The following ZNF488 variants were observed in gnomAD, a reference collection of about 807,000 sequenced individuals.
ZNF488 encodes zinc finger protein 488.
ZNF488 carries 1 observed loss-of-function variant against 1.2 expected under a neutral mutation model. The ratio of observed to expected loss-of-function variants is 0.86; its 90% CI spans 0.30 to 4.07. The LOEUF (loss-of-function observed/expected upper bound fraction) is 4.07. Ranked by LOEUF, ZNF488 falls within the 30% of genes most tolerant of loss-of-function variation. The pLI is 0.18. For synonymous variants in ZNF488, 185 were observed against 190.1 expected (o/e 0.97, Z 0.22); for missense variants, 450 against 437.9 (o/e 1.03, Z -0.25).
rs782230600 is a variant in ZNF488, at chr10:47,368,727, G to A, written c.103C>T (p.Arg35Ter). Residue 35 changes from arginine to a stop codon, truncating the protein, a stop_gained, in exon 2 of 2, where the codon CGA becomes TGA. Transcript: ENST00000585316. LOFTEE classifies it low-confidence loss of function (END_TRUNC). The stretch of plus-strand genomic sequence containing the variant: ...CGGCCCAGCTCAGGTTCGCTAAGTC[G>A]CCATCTGTTTTCAGCCGATGGGCTC... Reference protein sequence around the residue: ...PLSPSAENRWRLSEPELGRGC... With the variant: ...PLSPSAENRW The A allele has an allele frequency of 5.4e-5, 87 of 1,613,182 alleles. No individual in the cohort carries two copies. Among genetic ancestry groups the A allele is most frequent in the Admixed American group, 1.3e-4 (8 of 60,028 alleles).
chr10:47,372,316 C>T lies in ZNF488; in HGVS notation c.-108-3379G>A, dbSNP rs527801854. The stretch of plus-strand genomic sequence containing the variant: ...TCCTGAAACAGCAGCCCTGGCCCTG[C>T]CCATGCTTGAATGCAGGAAGAGAAC... On this transcript the variant is annotated intron_variant, in intron 1 of 1. Transcript: ENST00000585316. Among the ~76,000 whole-genome samples the T allele has an allele frequency of 6.6e-5, 10 of 152,306 alleles. 1 individual carries two copies. The South Asian group carries it at 2.1e-3, about 32-fold the overall frequency.
intron 1 of ZNF488, among the ~76,000 whole-genome samples, chr10:47,380,614 T>C (rs1837900724): frequency 7.5e-6 from 1 of 133,186 alleles, no homozygotes; most frequent in East Asian, 2.1e-4. Flanking sequence ...TTATCACCCA[T>C]CCTCTGGTGA....
intron 1 of ZNF488, among the ~76,000 whole-genome samples, chr10:47,379,174 T>C (rs11204202): frequency 0.057 from 8,740 of 152,238 alleles, 859 homozygotes; most frequent in African/African-American, 0.2. Flanking sequence ...ATTTATCGGC[T>C]ACGTAAGTAT....
chr10:47,367,978 A>G lies in ZNF488; in HGVS notation c.852T>C (p.Phe284=), dbSNP rs1555213089. The G allele has an allele frequency of 1.2e-6, 2 of 1,613,978 alleles. No individual in the cohort carries two copies. The highest frequency in any genetic ancestry group is 1.1e-5 in the South Asian group (1 of 91,062). ...GAAAGACCAGGTCGGACGTTAGGCG[A>G]AAGGACAGGTTGCACTTTGCACACC... The part of the protein sequence containing the change: ...QNWCAKCNLS[F]RLTSDLVFHM... The change falls in exon 2 of 2, where the codon TTT becomes TTC. Residue 284 remains phenylalanine, a synonymous_variant. Coordinates refer to ENST00000585316, the MANE Select transcript of ZNF488 (RefSeq NM_153034.4).
At chr10:47,369,879 C>T (rs1444157041) in intron 1 of ZNF488, among the ~76,000 whole-genome samples, 1 of 152,184 alleles carries the variant, frequency 6.6e-6, no homozygotes, top group Non-Finnish European at 1.5e-5. Flanking sequence ...TTGTGGTCTG[C>T]TAGAAGGCAA....
At chr10:47,380,761 G>T (rs1369456742) in intron 1 of ZNF488, among the ~76,000 whole-genome samples, 6 of 16,998 alleles carry the variant, frequency 3.5e-4, no homozygotes, top group South Asian at 1.1e-3. Context: ...ACGGTTGGAG[G>T]CCAGCTCTGC....
At chr10:47,377,600 TCACACACACACA>T (rs66911760) in intron 1 of ZNF488, among the ~76,000 whole-genome samples, 11 of 114,768 alleles carry the variant, frequency 9.6e-5, no homozygotes, top group East Asian at 2.7e-4. Flanking sequence ...AATAACAATC[TCACACACACACA>T]CACACACACA....
chr10:47,369,169 T>C (rs1555213554), intron 1 of ZNF488, among the ~76,000 whole-genome samples: 1 of 152,154 alleles, frequency 6.6e-6, no homozygotes, highest in African/African-American at 2.4e-5. Flanking sequence ...AAAATGCCCA[T>C]GGGCAGCAGC....
intron 1 of ZNF488, among the ~76,000 whole-genome samples, chr10:47,377,843 T>C (rs1473015250): frequency 2.0e-5 from 3 of 152,212 alleles, no homozygotes; most frequent in Non-Finnish European, 4.4e-5. Context: ...CGACTGTGTT[T>C]GCACCCTGGT....
At chr10:47,375,761 T>G (rs1837655438) in intron 1 of ZNF488, among the ~76,000 whole-genome samples, 1 of 152,192 alleles carries the variant, frequency 6.6e-6, no homozygotes, top group African/African-American at 2.4e-5. Context: ...AGCTACATGC[T>G]GAGAACCAGC....
At chr10:47,375,172 A>G (rs1355451313) in intron 1 of ZNF488, among the ~76,000 whole-genome samples, 1 of 152,254 alleles carries the variant, frequency 6.6e-6, no homozygotes, top group Non-Finnish European at 1.5e-5. Context: ...ATGATCAGGA[A>G]TGTTTCAAGT....
Position 47,365,691 on chromosome 10 carries a change from TGA to T in ZNF488, c.*2114_*2115del, listed in dbSNP as rs16407. ...GAAGGAAGCAACAGGGTGATGCGGC[TGA>T]GAGAGGCAGAGGCTGCAGGGCTGCT... On this transcript the variant is annotated 3_prime_UTR_variant, in exon 2 of 2. Coordinates refer to ENST00000585316, the MANE Select transcript of ZNF488 (RefSeq NM_153034.4). The T allele has an allele frequency of 0.086, 14,353 of 167,170 alleles. 861 individuals are homozygous for T. Among genetic ancestry groups the T allele is most frequent in the Non-Finnish European group, 0.11 (7,169 of 68,162 alleles). The allele number at this position is 167,170 out of a possible 1,614,324, so 10.4% of individuals were successfully genotyped here. A position where few individuals can be genotyped will look rare whatever the true frequency, so the allele number is the denominator to read the frequency against.
intron 1 of ZNF488, among the ~76,000 whole-genome samples, chr10:47,375,472 C>A (rs947872260): frequency 6.6e-6 from 1 of 152,124 alleles, no homozygotes; most frequent in Non-Finnish European, 1.5e-5. Flanking sequence ...GGCTTGATTT[C>A]TTGTTTTGTT....
At chr10:47,375,153 G>T (rs1214230413) in intron 1 of ZNF488, among the ~76,000 whole-genome samples, 2 of 152,238 alleles carry the variant, frequency 1.3e-5, no homozygotes, top group Admixed American at 6.5e-5. Flanking sequence ...GCTCACAGTG[G>T]CTTGTGAGAT....
intron 1 of ZNF488, among the ~76,000 whole-genome samples, chr10:47,379,366 A>G (rs1229856611): frequency 1.6e-3 from 233 of 147,692 alleles, no homozygotes; most frequent in African/African-American, 5.2e-3. Context: ...GTGGATCCTG[A>G]CACCGCCAAC....
At position 47,368,340 on chromosome 10, in the gene ZNF488, T is replaced by A; in HGVS notation, c.490A>T (p.Ser164Cys). ...TCTGCTGGTCGCTTGGTTGGTTTGCTAAAGGCGCTTCTTTGCTCACTTCGT... is the reference window on the plus strand; with the variant it reads ...TCTGCTGGTCGCTTGGTTGGTTTGCAAAAGGCGCTTCTTTGCTCACTTCGT... ...GARSEQRSAF[S>C]KPTKRPAERP... Residue 164 changes from serine (S) to cysteine (C), a missense_variant, in exon 2 of 2, where the codon AGC becomes TGC. Physicochemically the swap from Ser to Cys is moderately radical, Grantham distance 112. Transcript: ENST00000585316. 3 of 1,614,184 alleles carry A rather than the reference T, an allele frequency of 1.9e-6. No homozygotes were observed. Among genetic ancestry groups the A allele is most frequent in the Non-Finnish European group, 2.5e-6 (3 of 1,180,038 alleles).
intron 1 of ZNF488, among the ~76,000 whole-genome samples, chr10:47,369,891 C>T (rs1436396132): frequency 6.6e-6 from 1 of 152,238 alleles, no homozygotes; most frequent in Non-Finnish European, 1.5e-5. Flanking sequence ...AGAAGGCAAA[C>T]TCTAAGAACC....
At chr10:47,382,224 C>G (rs1555215573) in intron 1 of ZNF488, among the ~76,000 whole-genome samples, 1 of 152,272 alleles carries the variant, frequency 6.6e-6, no homozygotes, top group African/African-American at 2.4e-5. Context: ...TTTCCTGATA[C>G]AACTAGAGAA....
intron 1 of ZNF488, among the ~76,000 whole-genome samples, chr10:47,377,237 T>C (rs547811198): frequency 1.3e-5 from 2 of 152,332 alleles, no homozygotes; most frequent in Non-Finnish European, 1.5e-5. Flanking sequence ...TTCTGTTTTA[T>C]GCTACTCAGC....
Sources: allele counts gnomAD v4.1 joint callset (sites outside exome capture counted in the v4.1 genomes callset), GRCh38; gene constraint gnomAD v4.1.1; transcripts MANE v1.5; gene names NCBI Gene and HGNC (gene_info 2026-07-23, HGNC 2026-07-21).